The following VEGFC variants were observed in gnomAD, a reference collection of about 807,000 sequenced individuals.
The protein encoded by VEGFC is vascular endothelial growth factor C.
Under a neutral mutation model 46.1 loss-of-function variants are expected in VEGFC, and 12 were observed. That is an observed-to-expected ratio of 0.26 (90% confidence interval 0.17 to 0.42). The LOEUF is 0.42. Ranked by LOEUF, VEGFC falls within the 10% of genes least tolerant of loss-of-function variation. VEGFC has a pLI of 1.00. For synonymous variants in VEGFC, 232 were observed against 195.5 expected (o/e 1.19, Z -1.56); for missense variants, 488 against 529.4 (o/e 0.92, Z 0.77).
intron 4 of VEGFC, among the ~76,000 whole-genome samples, chr4:176,696,185 A>C (rs1029006166): frequency 6.9e-6 from 1 of 144,952 alleles, no homozygotes; most frequent in African/African-American, 2.6e-5. Context: ...GAAAAGAGGA[A>C]GTCAAATTGT....
intron 1 of VEGFC, among the ~76,000 whole-genome samples, chr4:176,735,372 CA>C (rs1267483753): frequency 6.6e-6 from 1 of 151,770 alleles, no homozygotes; most frequent in African/African-American, 2.4e-5. Context: ...TTTATTTTAA[CA>C]ATTTAAATTT....
At position 176,697,683 on chromosome 4, in the gene VEGFC, C is replaced by A. The variant is rs1014129735; in HGVS notation, c.705-9756G>T. Among the ~76,000 whole-genome samples, 15 of 151,826 alleles carry A rather than the reference C, an allele frequency of 9.9e-5. No individual in the cohort carries two copies. The East Asian group carries it at 2.7e-3, about 27-fold the overall frequency. Reference sequence around the variant, plus strand: ...TCATGCTGCTATAAAGACACATGCACACGTATGTTTATTGCGGCATTATTC... The same window carrying A: ...TCATGCTGCTATAAAGACACATGCAAACGTATGTTTATTGCGGCATTATTC... On this transcript the variant is annotated intron_variant, in intron 4 of 6. Coordinates refer to ENST00000618562, the MANE Select transcript of VEGFC (RefSeq NM_005429.5).
intron 4 of VEGFC, among the ~76,000 whole-genome samples, chr4:176,704,234 T>C (rs1045812525): frequency 6.6e-6 from 1 of 152,166 alleles, no homozygotes; most frequent in Admixed American, 6.5e-5. Flanking sequence ...GCTCTACAGA[T>C]AACTGTTTCT....
intron 1 of VEGFC, among the ~76,000 whole-genome samples, chr4:176,757,697 C>T (rs1735459319): frequency 6.6e-6 from 1 of 151,758 alleles, no homozygotes; most frequent in African/African-American, 2.4e-5. Flanking sequence ...TTGAACATAC[C>T]GTCTGCTAGT....
chr4:176,696,842 A>G (rs574694459), intron 4 of VEGFC, among the ~76,000 whole-genome samples: 1 of 152,038 alleles, frequency 6.6e-6, no homozygotes, highest in African/African-American at 2.4e-5. Context: ...TATCTACAAC[A>G]ATCTGATCTT....
At chr4:176,711,745 T>G (rs1191719414) in intron 3 of VEGFC, 95 bp from the exon 4 acceptor site, 1 of 1,249,012 alleles carries the variant, frequency 8.0e-7, no homozygotes, top group Non-Finnish European at 1.1e-6. Flanking sequence ...TGAGATTAGC[T>G]CTATATAAGT....
In VEGFC at chr4:176,773,409, C is replaced by G. The variant is rs1438047258; in HGVS notation, c.147+18756G>C. 2.0e-5 allele frequency among the ~76,000 whole-genome samples: 3 copies of G among 152,128 alleles called. No individual in the cohort carries two copies. In the East Asian group the frequency reaches 5.8e-4, roughly 29 times the overall value. On this transcript the variant is annotated intron_variant, in intron 1 of 6. Transcript: ENST00000618562. ...CACTACAGTTAGATTTTGTTACACA[C>G]AAACAAATCCCATTTTAACTGATAC...
At chr4:176,769,668 G>A (rs1033100142) in intron 1 of VEGFC, among the ~76,000 whole-genome samples, 1 of 152,066 alleles carries the variant, frequency 6.6e-6, no homozygotes, top group Non-Finnish European at 1.5e-5. Context: ...CCCTGGAGTG[G>A]GAACTAATGC....
intron 1 of VEGFC, among the ~76,000 whole-genome samples, chr4:176,743,821 C>A (rs1351830839): frequency 6.6e-6 from 1 of 151,882 alleles, no homozygotes; most frequent in Non-Finnish European, 1.5e-5. Flanking sequence ...AATCACCTTT[C>A]TAACCTCTTC....
At position 176,768,054 on chromosome 4, in the gene VEGFC, C is replaced by A. The variant is rs139785030; in HGVS notation, c.147+24111G>T. 4.1e-3 allele frequency among the ~76,000 whole-genome samples: 630 copies of A among 152,184 alleles called. 4 individuals are homozygous for A. The highest frequency in any genetic ancestry group is 0.015 in the African/African-American group (604 of 41,540). Reference sequence around the variant, plus strand: ...GAATTTTGACTTGACCAACTCGGAGCAATTTGTTGCCACTGACTGAGTTAG... The same window carrying A: ...GAATTTTGACTTGACCAACTCGGAGAAATTTGTTGCCACTGACTGAGTTAG... On this transcript the variant is annotated intron_variant, in intron 1 of 6. Coordinates refer to ENST00000618562, the MANE Select transcript of VEGFC (RefSeq NM_005429.5).
intron 1 of VEGFC, among the ~76,000 whole-genome samples, chr4:176,791,816 C>T (rs1736098263): frequency 6.6e-6 from 1 of 152,094 alleles, no homozygotes; most frequent in Non-Finnish European, 1.5e-5. Context: ...AAGAAACGAG[C>T]ATTTCCCGAC....
At chr4:176,766,783 A>G (rs947010935) in intron 1 of VEGFC, among the ~76,000 whole-genome samples, 4 of 152,034 alleles carry the variant, frequency 2.6e-5, no homozygotes, top group Non-Finnish European at 5.9e-5. Flanking sequence ...TATCCAAATT[A>G]AAAATAACTA....
At chr4:176,788,980 G>A (rs1287267963) in intron 1 of VEGFC, among the ~76,000 whole-genome samples, 2 of 152,166 alleles carry the variant, frequency 1.3e-5, no homozygotes, top group Admixed American at 6.5e-5. Context: ...CTTAACACAC[G>A]TTATGAACAT....
chr4:176,756,112 C>A lies in VEGFC; in HGVS notation c.148-26366G>T, dbSNP rs74481949. On this transcript the variant is annotated intron_variant, in intron 1 of 6. Coordinates refer to ENST00000618562, the MANE Select transcript of VEGFC (RefSeq NM_005429.5). ...TCTGCCACTGAAATAACTGGATAAC[C>A]CTGGGCTTATCTCCCACATTCATGA... is the stretch of plus-strand genomic sequence containing the variant. Among the ~76,000 whole-genome samples, 11 of 151,928 alleles carry A rather than the reference C, an allele frequency of 7.2e-5. No individual in the cohort carries two copies. In the East Asian group the frequency reaches 2.1e-3, roughly 29 times the overall value.
At chr4:176,754,624 C>A (rs1438432026) in intron 1 of VEGFC, among the ~76,000 whole-genome samples, 1 of 151,964 alleles carries the variant, frequency 6.6e-6, no homozygotes, top group East Asian at 1.9e-4. Flanking sequence ...ACACTGGAAC[C>A]ATGTAGATAA....
intron 4 of VEGFC, chr4:176,689,751 C>T (rs1464486263): frequency 6.6e-6 from 1 of 152,070 alleles, no homozygotes; most frequent in African/African-American, 2.4e-5. Context: ...CTATGCTATA[C>T]CACAAAGTGA....
chr4:176,760,975 GTCTGGCCCAA>G (rs1386473250), intron 1 of VEGFC, among the ~76,000 whole-genome samples: 3 of 152,162 alleles, frequency 2.0e-5, no homozygotes, highest in Admixed American at 2.0e-4. Context: ...GATACTGCAA[GTCTGGCCCAA>G]TGGGCAAAGT....
chr4:176,771,491 G>C (rs896627271), intron 1 of VEGFC, among the ~76,000 whole-genome samples: 3 of 152,122 alleles, frequency 2.0e-5, no homozygotes, highest in Non-Finnish European at 4.4e-5. Flanking sequence ...AGAGTAGTAA[G>C]GAAATAACAG....
chr4:176,749,925 GA>G lies in VEGFC; in HGVS notation c.148-20180del, dbSNP rs1323951488. ...TAACATATTGTGTCTCTTCATCTTT[GA>G]AAAAAACCTGTTAGCTTTACACTGA... On this transcript the variant is annotated intron_variant, in intron 1 of 6. Transcript: ENST00000618562. 1.4e-4 allele frequency among the ~76,000 whole-genome samples: 21 copies of G among 151,196 alleles called. 1 individual carries two copies. The highest frequency in any genetic ancestry group is 1.3e-4 in the Non-Finnish European group (9 of 67,624).
Sources: gnomAD v4.1 joint callset for allele counts (sites outside exome capture counted in the v4.1 genomes callset) on GRCh38, gnomAD v4.1.1 for gene constraint, MANE v1.5 for transcripts, NCBI Gene and HGNC (gene_info 2026-07-23, HGNC 2026-07-21) for gene names.